The following LMO7 variants were observed in gnomAD, a reference collection of about 807,000 sequenced individuals.
LMO7 encodes the protein LIM domain 7.
A neutral mutation model predicts 206.5 loss-of-function variants in LMO7; 120 were observed. That is an observed-to-expected ratio of 0.58 (90% CI 0.50 to 0.68). The LOEUF (loss-of-function observed/expected upper bound fraction) is 0.68. Ranked by LOEUF, LMO7 falls within the 30% of genes least tolerant of loss-of-function variation. LMO7 has a pLI of 0.00. For synonymous variants in LMO7, 706 were observed against 681.5 expected, an observed-to-expected ratio of 1.04 and a Z score of -0.56; for missense variants, 1,959 against 1,957.9, an observed-to-expected ratio of 1.00 and a Z score of -0.01.
At chr13:75,666,146 A>G (rs1442177875) in intron 1 of LMO7, among the ~76,000 whole-genome samples, 1 of 152,244 alleles carries the variant, frequency 6.6e-6, no homozygotes, top group Non-Finnish European at 1.5e-5. Context: ...GATATAGACC[A>G]TGCATGTAAC....
Position 75,737,809 on chromosome 13 carries a change from C to A in LMO7, c.210+10711C>A, listed in dbSNP as rs1484355950. ...AAAAAAAAAAAAAAAAAACTTTTTA[C>A]TTTGAAATAAATATAGATTCACAGG... On this transcript the variant is annotated intron_variant, in intron 3 of 30. Coordinates refer to ENST00000377534, the MANE Select transcript of LMO7 (RefSeq NM_001306080.2). Among the ~76,000 whole-genome samples the A allele has an allele frequency of 1.1e-4, 5 of 45,302 alleles. No individual in the cohort carries two copies. In the East Asian group the frequency reaches 2.7e-3, roughly 25 times the overall value. The allele number at this position is 45,302 out of a possible 152,430, so 29.7% of individuals were successfully genotyped here.
intron 1 of LMO7, among the ~76,000 whole-genome samples, chr13:75,699,665 G>A (rs2181686): frequency 0.92 from 139,533 of 152,190 alleles, 64,023 homozygotes; most frequent in East Asian, 1. Flanking sequence ...GCATGCTTCA[G>A]AAGGCAATAA....
rs2057364787 is a variant in LMO7 at position 75,819,448 on chromosome 13, AAAAAG to A, written c.2123_2127del (p.Lys708ArgfsTer6). On this transcript the variant is annotated frameshift_variant, in exon 13 of 31. Coordinates refer to ENST00000377534, the MANE Select transcript of LMO7 (RefSeq NM_001306080.2). LOFTEE classifies it high-confidence loss of function. ...AGTTACACTTCAGATCTGCAGAAGA[AAAAAG>A]AAGAGAGAGAAGAAATTGAAAAGCA... is the stretch of plus-strand genomic sequence containing the variant. 1 of 1,613,226 alleles carries A rather than the reference AAAAAG, an allele frequency of 6.2e-7. No homozygotes were observed. The highest frequency in any genetic ancestry group is 1.7e-5 in the Admixed American group (1 of 59,712).
At chr13:75,783,407 C>T (rs753034757) in intron 4 of LMO7, among the ~76,000 whole-genome samples, 38 of 152,258 alleles carry the variant, frequency 2.5e-4, no homozygotes, top group Non-Finnish European at 4.7e-4. Context: ...ACTGCAAACT[C>T]CTGCCTCCTG....
intron 1 of LMO7, chr13:75,688,956 T>A (rs546187087): frequency 6.6e-6 from 1 of 152,272 alleles, no homozygotes; most frequent in Admixed American, 6.5e-5. Flanking sequence ...AGTCTTGAGG[T>A]TTTATGTTTG....
intron 1 of LMO7, among the ~76,000 whole-genome samples, chr13:75,645,160 A>G (rs568576452): frequency 6.6e-6 from 1 of 152,350 alleles, no homozygotes; most frequent in Non-Finnish European, 1.5e-5. Context: ...TAGTTCGTGC[A>G]TACCAGAAAT....
chr13:75,719,449 C>T (rs543084932), intron 2 of LMO7, among the ~76,000 whole-genome samples: 42 of 152,292 alleles, frequency 2.8e-4, no homozygotes, highest in Admixed American at 2.4e-3. Context: ...CCATCCAAAT[C>T]TCATGTCAAA....
At chr13:75,649,174 CA>C (rs2037325009) in intron 1 of LMO7, among the ~76,000 whole-genome samples, 1 of 152,072 alleles carries the variant, frequency 6.6e-6, no homozygotes, top group South Asian at 2.1e-4. Flanking sequence ...GACCTAAGAC[CA>C]AATACTGGAT....
chr13:75,811,602 G>A (rs579540), intron 11 of LMO7, among the ~76,000 whole-genome samples: 141,590 of 152,280 alleles, frequency 0.93, 65,861 homozygotes, highest in East Asian at 0.98. Flanking sequence ...GAAATGTGCA[G>A]TATCTTTTGA....
chr13:75,786,942 G>A (rs777476990), intron 4 of LMO7, among the ~76,000 whole-genome samples: 4 of 152,150 alleles, frequency 2.6e-5, no homozygotes, highest in Non-Finnish European at 5.9e-5. Context: ...TGGAAGATCA[G>A]TTTAAAAATC....
In LMO7 at chr13:75,858,064, T is replaced by C; in HGVS notation, c.*121T>C. ...TTTTTTTTAAAAAAAAGAATAACTTTTTTTGCCTCTTTAGATTACATAGAA... is the reference window on the plus strand; with the variant it reads ...TTTTTTTTAAAAAAAAGAATAACTTCTTTTGCCTCTTTAGATTACATAGAA... On this transcript the variant is annotated 3_prime_UTR_variant, in exon 31 of 31. Transcript: ENST00000377534. 8.5e-7 allele frequency: 1 copy of C among 1,171,402 alleles called. No individual in the cohort carries two copies. The highest frequency in any genetic ancestry group is 1.4e-5 in the South Asian group (1 of 68,994). The allele number at this position is 1,171,402 out of a possible 1,614,324, so 72.6% of individuals were successfully genotyped here. A position where few individuals can be genotyped will look rare whatever the true frequency, so the allele number is the denominator to read the frequency against.
intron 4 of LMO7, among the ~76,000 whole-genome samples, chr13:75,785,105 G>A (rs2052198180): frequency 6.6e-6 from 1 of 152,116 alleles, no homozygotes; most frequent in Admixed American, 6.5e-5. Context: ...TTGTCTTTGG[G>A]TGACAGATTT....
At chr13:75,672,568 G>A (rs1041566679) in intron 1 of LMO7, among the ~76,000 whole-genome samples, 2 of 152,064 alleles carry the variant, frequency 1.3e-5, no homozygotes, top group African/African-American at 4.8e-5. Flanking sequence ...CCTAATATTT[G>A]TAATTATAAG....
At chr13:75,747,916 A>G (rs1313586250) in intron 3 of LMO7, among the ~76,000 whole-genome samples, 3 of 152,178 alleles carry the variant, frequency 2.0e-5, no homozygotes, top group Non-Finnish European at 2.9e-5. Context: ...AACCAGATAG[A>G]TGGCTGAGTG....
chr13:75,850,299 G>A (rs2060386235), intron 27 of LMO7, among the ~76,000 whole-genome samples: 1 of 152,166 alleles, frequency 6.6e-6, no homozygotes, highest in African/African-American at 2.4e-5. Flanking sequence ...ATGGAAATAG[G>A]AGTTCTTCTT....
At chr13:75,741,383 A>G (rs1191765940) in intron 3 of LMO7, among the ~76,000 whole-genome samples, 1 of 152,258 alleles carries the variant, frequency 6.6e-6, no homozygotes, top group Non-Finnish European at 1.5e-5. Context: ...ATAGCATAAA[A>G]CTTAGCCATT....
In LMO7 at chr13:75,840,416, C is replaced by T. The variant is rs774048028; in HGVS notation, c.3503C>T (p.Pro1168Leu). 1.1e-5 allele frequency: 18 copies of T among 1,613,872 alleles called. No homozygotes were observed. Among genetic ancestry groups the T allele is most frequent in the African/African-American group, 5.3e-5 (4 of 74,878 alleles). Residue 1168 changes from proline (P) to leucine (L), a missense_variant, in exon 22 of 31, where the codon CCG becomes CTG. By Grantham distance (98) the Pro-to-Leu change is moderately conservative. Transcript: ENST00000377534. ...PDLPVPTISA[P>L]SRWVWDQEEE... ...CTTCCAGTTCCAACCATCAGTGCCC[C>T]GAGTCGCTGGGTGTGGGATCAAGAG...
chr13:75,839,093 T>G (rs973968324), intron 20 of LMO7, among the ~76,000 whole-genome samples: 1 of 152,224 alleles, frequency 6.6e-6, no homozygotes, highest in Non-Finnish European at 1.5e-5. Context: ...TAAGGTCTCT[T>G]TTGGACCATA....
chr13:75,813,758 G>A (rs1227218181), intron 11 of LMO7, among the ~76,000 whole-genome samples: 2 of 152,246 alleles, frequency 1.3e-5, no homozygotes, highest in Non-Finnish European at 2.9e-5. Context: ...AGACACCTTA[G>A]CATTGCATGG....
Sources: gnomAD v4.1 joint callset for allele counts (sites outside exome capture counted in the v4.1 genomes callset) on GRCh38, gnomAD v4.1.1 for gene constraint, MANE v1.5 for transcripts, NCBI Gene and HGNC (gene_info 2026-07-23, HGNC 2026-07-21) for gene names.